SPIRE2: variants seen among roughly 807,000 people sequenced by gnomAD.
SPIRE2 encodes protein spire homolog 2.
In SPIRE2, 76 loss-of-function variants were observed where a neutral mutation model predicts 80.7. That is an observed-to-expected ratio of 0.94 (90% CI 0.78 to 1.14). The LOEUF is 1.14. Among genes scored for constraint, SPIRE2 ranks in the 50% most tolerant of loss-of-function variants. The probability of loss-of-function intolerance (pLI) is 0.00; values close to 1 mark genes in which losing one functional copy is unlikely to be tolerated. For synonymous variants in SPIRE2, 535 were observed against 432.6 expected (o/e 1.24, Z -2.94); for missense variants, 1,196 against 1,015.3 (o/e 1.18, Z -2.42).
At chr16:89,836,311 G>C in intron 1 of SPIRE2, 1 of 453,772 alleles carries the variant, frequency 2.2e-6, no homozygotes, top group Non-Finnish European at 4.4e-6. Flanking sequence ...ATGCTCACAG[G>C]TTCTGGGGTT....
At chr16:89,836,370 C>T (rs779293146) in intron 1 of SPIRE2, 3 of 398,584 alleles carry the variant, frequency 7.5e-6, no homozygotes, top group Admixed American at 2.9e-5. Context: ...TGCAGCGGAC[C>T]GGGGGCCGAG....
chr16:89,867,499 G>T (rs1215328600), intron 12 of SPIRE2, among the ~76,000 whole-genome samples: 1 of 151,870 alleles, frequency 6.6e-6, no homozygotes, highest in Non-Finnish European at 1.5e-5. Context: ...CTTTCCAAAA[G>T]TATGTGACCC....
chr16:89,851,774 A>C (rs1382665547), intron 3 of SPIRE2, among the ~76,000 whole-genome samples: 2 of 152,010 alleles, frequency 1.3e-5, no homozygotes, highest in African/African-American at 4.8e-5. Flanking sequence ...CAGGCCTTGG[A>C]GAGGCAGGGG....
chr16:89,835,221 G>A (rs2041436218), intron 1 of SPIRE2, among the ~76,000 whole-genome samples: 1 of 144,198 alleles, frequency 6.9e-6, no homozygotes, highest in African/African-American at 3.0e-5. Context: ...CTCGCGGTTG[G>A]CCGTCTTAGA....
chr16:89,850,357 C>T lies in SPIRE2; in HGVS notation c.342C>T (p.Asp114=), dbSNP rs372332983. 12 of 1,599,520 alleles carry T rather than the reference C, an allele frequency of 7.5e-6. No homozygotes were observed. The East Asian group carries it at 1.4e-4, about 18-fold the overall frequency. Residue 114 remains aspartate, a synonymous_variant, in exon 3 of 15, where the codon GAC becomes GAT. Coordinates refer to ENST00000378247, the MANE Select transcript of SPIRE2 (RefSeq NM_032451.2). The part of the protein sequence containing the change: ...AIYRALDWGL[D]ESEERELSPQ... ...ACCGCGCGCTGGACTGGGGGCTGGACGAGAGCGAGGAGCGCGAACTCAGCC... is the reference window on the plus strand; with the variant it reads ...ACCGCGCGCTGGACTGGGGGCTGGATGAGAGCGAGGAGCGCGAACTCAGCC...
At chr16:89,847,998 C>T (rs935672914) in intron 2 of SPIRE2, among the ~76,000 whole-genome samples, 5 of 152,190 alleles carry the variant, frequency 3.3e-5, no homozygotes, top group African/African-American at 1.2e-4. Context: ...CTGTCCTGTG[C>T]CACGAGGCAC....
At chr16:89,840,028 G>A (rs937625481) in intron 1 of SPIRE2, among the ~76,000 whole-genome samples, 2 of 152,308 alleles carry the variant, frequency 1.3e-5, no homozygotes, top group East Asian at 1.9e-4. Context: ...GACACCCAGC[G>A]CCAGTAGCCA....
chr16:89,870,263 C>T lies in SPIRE2; in HGVS notation c.2136C>T (p.Asp712=), dbSNP rs771113117. The change falls in exon 15 of 15, where the codon GAC becomes GAT. Residue 712 remains aspartate (D), a synonymous_variant. Transcript: ENST00000378247. ...ACATCCCTAACACCAGGACTCTTGACTTCAAGTGACAGCCCCAGGTGGCCA... is the reference window on the plus strand; with the variant it reads ...ACATCCCTAACACCAGGACTCTTGATTTCAAGTGACAGCCCCAGGTGGCCA... The part of the protein sequence containing the change: ...SLYIPNTRTL[D]FK 64 of 1,591,936 alleles carry T rather than the reference C, an allele frequency of 4.0e-5. 1 individual carries two copies. Among genetic ancestry groups the T allele is most frequent in the Admixed American group, 2.1e-4 (12 of 56,602 alleles).
At chr16:89,846,975 T>A (rs1286934493) in intron 2 of SPIRE2, 1 of 147,672 alleles carries the variant, frequency 6.8e-6, no homozygotes, top group African/African-American at 2.5e-5. Flanking sequence ...CCAAGTGAGA[T>A]TAATTGTTTA....
In SPIRE2 at chr16:89,828,529, G is replaced by A; in HGVS notation, c.-22G>A. 17 of 1,057,362 alleles carry A rather than the reference G, an allele frequency of 1.6e-5. No individual in the cohort carries two copies. Among genetic ancestry groups the A allele is most frequent in the Non-Finnish European group, 1.9e-5 (17 of 878,368 alleles). 65.5% of individuals were successfully genotyped at this position (1,057,362 alleles called of 1,614,324 possible). On this transcript the variant is annotated 5_prime_UTR_variant, in exon 1 of 15. Transcript: ENST00000378247. The surrounding 1 kb of genome is among the most constrained non-coding windows in gnomAD (Gnocchi z 5.9). ...CTGCATGGACGCGGGTCCGGCGCGC[G>A]GGAGGCGATGACGGCCCCGCCATGG...
intron 12 of SPIRE2, among the ~76,000 whole-genome samples, chr16:89,864,302 C>T (rs571642349): frequency 6.6e-6 from 1 of 152,240 alleles, no homozygotes; most frequent in African/African-American, 2.4e-5. Context: ...TCGAGTCCGC[C>T]GTGTAGAACT....
chr16:89,830,967 C>T (rs11076637), intron 1 of SPIRE2, among the ~76,000 whole-genome samples: 91,934 of 144,746 alleles, frequency 0.64, 31,417 homozygotes, highest in East Asian at 0.98. Flanking sequence ...TGGAGTGCAG[C>T]GGCACAATCT....
chr16:89,858,523 G>C lies in SPIRE2; in HGVS notation c.1272+16G>C. ...TACATCTGAGGTCAGAACCCATGGG[G>C]ATTCCTGAAAAGAGACCAGGAATGG... On this transcript the variant is annotated intron_variant, in intron 8 of 14. Transcript: ENST00000378247. 6.5e-7 allele frequency: 1 copy of C among 1,546,832 alleles called. No homozygotes were observed. Among genetic ancestry groups the C allele is most frequent in the Non-Finnish European group, 8.7e-7 (1 of 1,147,160 alleles).
At chr16:89,844,000 CTTT>C (rs995181603) in intron 1 of SPIRE2, among the ~76,000 whole-genome samples, 1 of 137,270 alleles carries the variant, frequency 7.3e-6, no homozygotes, top group Admixed American at 7.4e-5. Flanking sequence ...CGTGCCTGGC[CTTT>C]TTTTTTTTTT....
At chr16:89,846,870 T>C (rs1436812705) in intron 2 of SPIRE2, 2 of 147,248 alleles carry the variant, frequency 1.4e-5, no homozygotes, top group Non-Finnish European at 3.0e-5. Context: ...AGTGGCGTGA[T>C]CTTGGCTCAC....
intron 9 of SPIRE2, among the ~76,000 whole-genome samples, chr16:89,859,567 A>G (rs571408417): frequency 6.6e-6 from 1 of 152,268 alleles, no homozygotes; most frequent in East Asian, 1.9e-4. Flanking sequence ...TTATAAAAAT[A>G]TTTTTTAATA....
At chr16:89,861,019 C>G (rs1013392046) in intron 10 of SPIRE2, among the ~76,000 whole-genome samples, 2 of 152,128 alleles carry the variant, frequency 1.3e-5, no homozygotes, top group African/African-American at 4.8e-5. Flanking sequence ...AACCGCACTG[C>G]ACTGCGGCCC....
intron 3 of SPIRE2, among the ~76,000 whole-genome samples, chr16:89,852,582 C>A (rs112738924): frequency 0.12 from 772 of 6,642 alleles, 227 homozygotes; most frequent in East Asian, 0.98. Flanking sequence ...CCTGGATCCC[C>A]TGGCCCATCT....
chr16:89,840,785 G>T (rs143496972), intron 1 of SPIRE2, among the ~76,000 whole-genome samples: 1 of 149,632 alleles, frequency 6.7e-6, no homozygotes, highest in African/African-American at 2.5e-5. Flanking sequence ...ACAGGTGCCC[G>T]CCACCACGCC....
Sources: allele counts gnomAD v4.1 joint callset (sites outside exome capture counted in the v4.1 genomes callset), GRCh38; gene constraint gnomAD v4.1.1; non-coding constraint Gnocchi (gnomAD v3.1); transcripts MANE v1.5; gene names NCBI Gene and HGNC (gene_info 2026-07-23, HGNC 2026-07-21).